Variants in TAPT1 observed in about 807,000 individuals in gnomAD.
TAPT1 encodes transmembrane anterior posterior transformation 1, also known as transmembrane anterior posterior transformation protein 1 homolog.
TAPT1 carries 28 observed loss-of-function variants against 65.6 expected under a neutral mutation model. That is an observed-to-expected ratio of 0.43 (90% CI 0.32 to 0.59). TAPT1 has a LOEUF of 0.59. Among genes scored for constraint, TAPT1 ranks in the 20% least tolerant of loss-of-function variants. The pLI is 0.09. For missense variants in TAPT1, 563 were observed against 679.9 expected, an observed-to-expected ratio of 0.83 and a Z score of 1.91; for synonymous variants, 278 against 245.2, an observed-to-expected ratio of 1.13 and a Z score of -1.25.
At position 16,166,743 on chromosome 4, in the gene TAPT1, C is replaced by A; in HGVS notation, c.1364G>T (p.Cys455Phe). 6.2e-7 allele frequency: 1 copy of A among 1,613,902 alleles called. No homozygotes were observed. The change falls in exon 13 of 14, where the codon TGC (cysteine) becomes TTC (phenylalanine). Residue 455 changes from cysteine (C) to phenylalanine (F), a missense_variant. By Grantham distance (205) the Cys-to-Phe change is radical. Around this residue, in one of 5 missense-constraint regions of TAPT1, gnomAD observed 136 missense variants for 153.9 expected, o/e 0.88. Transcript: ENST00000405303. ...CATTTTGGCTTCCTTCACATACTGG[C>A]ACGATTTCCCCAACAGCACGATGCT... ...LNSIVLLGKS[C>F]QYVKEAKMEE... is the part of the protein sequence containing the mutation.
chr4:16,194,536 T>C (rs1361476636), intron 3 of TAPT1, among the ~76,000 whole-genome samples: 2 of 152,180 alleles, frequency 1.3e-5, no homozygotes, highest in South Asian at 4.1e-4. Flanking sequence ...CCTACTATCT[T>C]TCTGTAAAAT....
At chr4:16,183,600 T>C (rs576833472) in intron 7 of TAPT1, among the ~76,000 whole-genome samples, 3 of 152,314 alleles carry the variant, frequency 2.0e-5, no homozygotes, top group Non-Finnish European at 4.4e-5. Context: ...ATTGAAAACC[T>C]TTAAAACTTA....
rs546516476 is a variant in TAPT1 at position 16,224,883 on chromosome 4, G to C, written c.199+1376C>G. On this transcript the variant is annotated intron_variant, in intron 1 of 13. Coordinates refer to ENST00000405303, the MANE Select transcript of TAPT1 (RefSeq NM_153365.3). ...CTCTCCACGCAAACAACAAAAAAAG[G>C]CTTTTAAAATGGTGGCTTTCCTGCA... is the stretch of plus-strand genomic sequence containing the variant. 2.0e-5 allele frequency among the ~76,000 whole-genome samples: 3 copies of C among 152,170 alleles called. No individual in the cohort carries two copies. In the East Asian group the frequency reaches 5.8e-4, roughly 29 times the overall value.
Position 16,162,819 on chromosome 4 carries a change from TCTTGA to T in TAPT1, c.*484_*488del. The T allele has an allele frequency of 3.2e-6, 1 of 314,142 alleles. No individual in the cohort carries two copies. The highest frequency in any genetic ancestry group is 6.6e-6 in the Non-Finnish European group (1 of 152,294). 19.5% of individuals were successfully genotyped at this position (314,142 alleles called of 1,614,324 possible). On this transcript the variant is annotated 3_prime_UTR_variant, in exon 14 of 14. Coordinates refer to ENST00000405303, the MANE Select transcript of TAPT1 (RefSeq NM_153365.3). ...GTTATTCTGGTGGTAAGAACATTTA[TCTTGA>T]CTTATGTTTAATTTTTTTAATGCTT...
At chr4:16,165,746 A>G (rs1188006836) in intron 13 of TAPT1, among the ~76,000 whole-genome samples, 2 of 152,042 alleles carry the variant, frequency 1.3e-5, no homozygotes, top group South Asian at 2.1e-4. Context: ...CTCACACTGC[A>G]TAACTTCCTC....
At chr4:16,173,113 T>C (rs1441232450) in intron 11 of TAPT1, among the ~76,000 whole-genome samples, 1 of 152,166 alleles carries the variant, frequency 6.6e-6, no homozygotes, top group African/African-American at 2.4e-5. Flanking sequence ...TGTGAGCCAC[T>C]GTGCCCAGCT....
chr4:16,180,292 T>C (rs1028956436), intron 7 of TAPT1, among the ~76,000 whole-genome samples: 1 of 152,206 alleles, frequency 6.6e-6, no homozygotes, highest in Non-Finnish European at 1.5e-5. Flanking sequence ...GAATTCTTGC[T>C]AAAGGCCAGT....
intron 12 of TAPT1, 194 bp from the exon 13 acceptor site, chr4:16,166,987 T>TTA: frequency 2.8e-6 from 1 of 357,854 alleles, no homozygotes; most frequent in Non-Finnish European, 5.0e-6. Context: ...AATTCCTTAG[T>TTA]TCTCTTTTTT....
chr4:16,216,766 G>C (rs536943705), intron 1 of TAPT1, among the ~76,000 whole-genome samples: 2 of 152,250 alleles, frequency 1.3e-5, no homozygotes, highest in Non-Finnish European at 2.9e-5. Context: ...AAAGCTTCTT[G>C]ATTGAGTACC....
Position 16,174,222 on chromosome 4 carries a change from A to T in TAPT1, c.1218T>A (p.Pro406=). 1 of 1,607,470 alleles carries T rather than the reference A, an allele frequency of 6.2e-7. No individual in the cohort carries two copies. Among genetic ancestry groups the T allele is most frequent in the Non-Finnish European group, 8.5e-7 (1 of 1,176,848 alleles). ...CACTTACTAAAACAGCTAGTGGGAG[A>T]GGAATAAAGCCCATCCTCCGTGCTA... The part of the protein sequence containing the change: ...DSVARRMGFI[P]LPLAVLLIRV... The change falls in exon 11 of 14, where the codon CCT becomes CCA. Residue 406 remains proline (P), a synonymous_variant. Coordinates refer to ENST00000405303, the MANE Select transcript of TAPT1 (RefSeq NM_153365.3).
Position 16,186,422 on chromosome 4 carries a change from G to A in TAPT1, c.916+113C>T, listed in dbSNP as rs2149687109. 7.7e-6 allele frequency: 5 copies of A among 650,738 alleles called. No homozygotes were observed. The South Asian group carries it at 1.0e-4, about 14-fold the overall frequency. 40.3% of individuals were successfully genotyped at this position (650,738 alleles called of 1,614,324 possible). On this transcript the variant is annotated intron_variant, in intron 7 of 13. Transcript: ENST00000405303. ...TAGTAAAGATGTTGATAGCATAAGA[G>A]AAGGTACAGTTTAAGCTGAAGAGTG...
At chr4:16,198,716 A>C (rs1428966923) in intron 3 of TAPT1, among the ~76,000 whole-genome samples, 3 of 152,252 alleles carry the variant, frequency 2.0e-5, no homozygotes. Flanking sequence ...AGGCAAGACA[A>C]ATCGAATAAT....
intron 13 of TAPT1, among the ~76,000 whole-genome samples, 161 bp downstream of exon 13, chr4:16,166,472 G>T (rs571562968): frequency 2.9e-4 from 44 of 151,170 alleles, no homozygotes; most frequent in African/African-American, 1.0e-3. Flanking sequence ...CAGAACACTG[G>T]GCCAGGTATA....
At chr4:16,220,486 A>C (rs1010449625) in intron 1 of TAPT1, among the ~76,000 whole-genome samples, 1 of 152,170 alleles carries the variant, frequency 6.6e-6, no homozygotes, top group African/African-American at 2.4e-5. Context: ...ATTCAGTAAA[A>C]GTTTTTTAAA....
chr4:16,220,207 T>C (rs1051060019), intron 1 of TAPT1, among the ~76,000 whole-genome samples: 1 of 152,250 alleles, frequency 6.6e-6, no homozygotes, highest in Non-Finnish European at 1.5e-5. Flanking sequence ...TGGTTAATTA[T>C]TTAGCAAAGC....
At chr4:16,222,790 G>C (rs563325407) in intron 1 of TAPT1, among the ~76,000 whole-genome samples, 5 of 152,124 alleles carry the variant, frequency 3.3e-5, no homozygotes, top group Non-Finnish European at 7.4e-5. Context: ...CATGGTTAAA[G>C]GGAGAGGAGA....
Position 16,161,395 on chromosome 4 carries a change from G to A in TAPT1, c.*1913C>T, listed in dbSNP as rs576448042. On this transcript the variant is annotated 3_prime_UTR_variant, in exon 14 of 14. Coordinates refer to ENST00000405303, the MANE Select transcript of TAPT1 (RefSeq NM_153365.3). ...AAACAGAAGAAATGAACATAATCCC[G>A]AACTCCCAACAGCATCTGCAAAGGA... is the stretch of plus-strand genomic sequence containing the variant. 4 of 152,648 alleles carry A rather than the reference G, an allele frequency of 2.6e-5. No homozygotes were observed. Among genetic ancestry groups the A allele is most frequent in the African/African-American group, 4.8e-5 (2 of 41,538 alleles). The allele number at this position is 152,648 out of a possible 1,614,324, so 9.5% of individuals were successfully genotyped here.
chr4:16,222,637 C>A (rs1751317445), intron 1 of TAPT1, among the ~76,000 whole-genome samples: 1 of 152,174 alleles, frequency 6.6e-6, no homozygotes. Flanking sequence ...AAGAATAAGA[C>A]ATAGGTAATA....
In TAPT1 at chr4:16,209,478, T is replaced by A. The variant is rs1348536226; in HGVS notation, c.330+4290A>T. Among the ~76,000 whole-genome samples the A allele has an allele frequency of 2.0e-5, 3 of 152,232 alleles. No individual in the cohort carries two copies. The East Asian group carries it at 5.8e-4, about 29-fold the overall frequency. On this transcript the variant is annotated intron_variant, in intron 2 of 13. Transcript: ENST00000405303. ...GTAAGTGATCTTTATCTTTCTAAAT[T>A]TGAATTTAAACATAACAGGAAATTT...
Sources: allele counts gnomAD v4.1 joint callset (sites outside exome capture counted in the v4.1 genomes callset), GRCh38; gene constraint gnomAD v4.1.1; regional missense constraint gnomAD v4.1.1; transcripts MANE v1.5; gene names NCBI Gene and HGNC (gene_info 2026-07-23, HGNC 2026-07-21).